Variants in MSH3 observed in about 807,000 individuals in gnomAD.
The protein encoded by MSH3 is mutS homolog 3.
In MSH3, 106 loss-of-function variants were observed where a neutral mutation model predicts 123.3. That is an observed-to-expected ratio of 0.86 (90% confidence interval 0.73 to 1.01). MSH3 has a LOEUF of 1.01. Ranked by LOEUF, MSH3 falls within the 50% of genes least tolerant of loss-of-function variation. The pLI, the probability that MSH3 is intolerant of heterozygous loss-of-function variation, is 0.00. For missense variants in MSH3, 1,459 were observed against 1,347.6 expected (o/e 1.08, Z -1.29); for synonymous variants, 515 against 481.4 (o/e 1.07, Z -0.91).
chr5:80,658,969 C>T (rs920232660), intron 2 of MSH3, among the ~76,000 whole-genome samples: 3 of 152,102 alleles, frequency 2.0e-5, no homozygotes, highest in African/African-American at 7.2e-5. Context: ...CACGGTGGCT[C>T]ACGCCTGTAA....
At chr5:80,669,831 T>C (rs1749664808) in intron 3 of MSH3, among the ~76,000 whole-genome samples, 1 of 152,226 alleles carries the variant, frequency 6.6e-6, no homozygotes, top group Non-Finnish European at 1.5e-5. Flanking sequence ...TAAAAACAAG[T>C]ATGTAAAACA....
chr5:80,701,299 A>G (rs992019259), intron 8 of MSH3, among the ~76,000 whole-genome samples: 1 of 152,188 alleles, frequency 6.6e-6, no homozygotes, highest in Admixed American at 6.5e-5. Flanking sequence ...TCATGGCTTC[A>G]ATAACCCTGG....
intron 19 of MSH3, among the ~76,000 whole-genome samples, chr5:80,796,935 C>A (rs192794328): frequency 1.8e-4 from 27 of 152,284 alleles, no homozygotes; most frequent in African/African-American, 6.3e-4. Flanking sequence ...CTTTTGAATT[C>A]ATACTTCACA....
intron 22 of MSH3, among the ~76,000 whole-genome samples, chr5:80,866,991 A>G (rs994854725): frequency 6.6e-5 from 10 of 152,072 alleles, no homozygotes; most frequent in African/African-American, 2.4e-4. Flanking sequence ...CCATTTGTCC[A>G]CTGGGGCCCT....
At chr5:80,692,325 T>A (rs1750301081) in intron 8 of MSH3, among the ~76,000 whole-genome samples, 1 of 74,552 alleles carries the variant, frequency 1.3e-5, no homozygotes, top group South Asian at 4.3e-4. Context: ...TGTATATGTT[T>A]AGATAGATAG....
chr5:80,873,281 C>T lies in MSH3; in HGVS notation c.3296C>T (p.Thr1099Met), dbSNP rs545543643. The change falls in exon 23 of 24, where the codon ACG becomes ATG. Residue 1099 changes from threonine to methionine, a missense_variant. By Grantham distance (81) the Thr-to-Met change is moderately conservative (BLOSUM62 -1). Transcript: ENST00000265081. ...KSKELEGLIN[T>M]KRKRLKYFAK... ...AAAGAGCTGGAAGGATTAATAAATACGAAAAGGTCAGAGTGATTATGCTGC... is the reference window on the plus strand; with the variant it reads ...AAAGAGCTGGAAGGATTAATAAATATGAAAAGGTCAGAGTGATTATGCTGC... 1.5e-5 allele frequency: 24 copies of T among 1,613,736 alleles called. No homozygotes were observed. The highest frequency in any genetic ancestry group is 8.8e-5 in the South Asian group (8 of 91,068).
intron 8 of MSH3, among the ~76,000 whole-genome samples, chr5:80,699,210 G>T (rs1439670777): frequency 6.6e-6 from 1 of 152,164 alleles, no homozygotes; most frequent in African/African-American, 2.4e-5. Flanking sequence ...AGAATAATGG[G>T]TATCTCCTAT....
At chr5:80,764,445 A>T (rs947522540) in intron 13 of MSH3, among the ~76,000 whole-genome samples, 1 of 151,780 alleles carries the variant, frequency 6.6e-6, no homozygotes, top group African/African-American at 2.4e-5. Context: ...GTGCGACCAC[A>T]GCTCACTACA....
chr5:80,831,846 C>A (rs245386), intron 20 of MSH3, among the ~76,000 whole-genome samples: 106,678 of 152,038 alleles, frequency 0.7, 37,464 homozygotes, highest in South Asian at 0.79. Flanking sequence ...TGGTGGCTGA[C>A]TCCTGTAATC....
intron 20 of MSH3, among the ~76,000 whole-genome samples, chr5:80,823,262 A>G (rs997018684): frequency 6.6e-6 from 1 of 152,218 alleles, no homozygotes; most frequent in Admixed American, 6.5e-5. Context: ...ATGTGTGAAA[A>G]AAGTAAAACC....
chr5:80,654,914 C>CCCGCAGCG lies in MSH3; in HGVS notation c.189_190insGCAGCGCC (p.Pro64AlafsTer19). 1 of 1,477,692 alleles carries CCCGCAGCG rather than the reference C, an allele frequency of 6.8e-7. No homozygotes were observed. Among genetic ancestry groups the CCCGCAGCG allele is most frequent in the Non-Finnish European group, 9.0e-7 (1 of 1,107,172 alleles). 91.5% of individuals were successfully genotyped at this position (1,477,692 alleles called of 1,614,324 possible). ...TGCAGCGGCCGCAGCGGCCGCAGCG[C>CCCGCAGCG]CCCCAGCGCCCCCAGCTCCCGCCTT... On this transcript the variant is annotated frameshift_variant, in exon 1 of 24. Coordinates refer to ENST00000265081, the MANE Select transcript of MSH3 (RefSeq NM_002439.5). LOFTEE classifies it high-confidence loss of function.
intron 12 of MSH3, among the ~76,000 whole-genome samples, chr5:80,759,509 G>A (rs1256933573): frequency 6.6e-6 from 1 of 152,198 alleles, no homozygotes; most frequent in Non-Finnish European, 1.5e-5. Context: ...CTGGAACTTA[G>A]AGTAGGAGGA....
chr5:80,791,297 C>T (rs1303939672), intron 18 of MSH3, among the ~76,000 whole-genome samples: 1 of 152,174 alleles, frequency 6.6e-6, no homozygotes, highest in East Asian at 1.9e-4. Context: ...AGATGACCAT[C>T]TCTTTAAGAA....
At chr5:80,667,462 G>C (rs1204639813) in intron 3 of MSH3, among the ~76,000 whole-genome samples, 3 of 152,214 alleles carry the variant, frequency 2.0e-5, no homozygotes, top group Non-Finnish European at 2.9e-5. Flanking sequence ...CTTTGCCCGA[G>C]TTTTTACTTG....
intron 5 of MSH3, 78 bp downstream of exon 5, chr5:80,672,438 G>A (rs1749744874): frequency 9.3e-7 from 1 of 1,074,026 alleles, no homozygotes; most frequent in African/African-American, 1.6e-5. Context: ...TTGTAAGGTG[G>A]TAGGTAGGCT....
At chr5:80,853,333 G>T (rs1013116809) in intron 20 of MSH3, among the ~76,000 whole-genome samples, 1 of 152,118 alleles carries the variant, frequency 6.6e-6, no homozygotes, top group African/African-American at 2.4e-5. Flanking sequence ...ATGTTAGCCA[G>T]GTGTGGTGGC....
chr5:80,710,057 C>T lies in MSH3; in HGVS notation c.1341-15396C>T, dbSNP rs538010748. 3.9e-5 allele frequency among the ~76,000 whole-genome samples: 6 copies of T among 152,326 alleles called. No individual in the cohort carries two copies. The South Asian group carries it at 6.2e-4, about 16-fold the overall frequency. On this transcript the variant is annotated intron_variant, in intron 8 of 23. Transcript: ENST00000265081. ...TTCTTTTCCTTTGAGCACATGACTA[C>T]TGCTATCTATCTCCTATTCTTAACC...
chr5:80,685,617 T>C (rs1348157105), intron 8 of MSH3, among the ~76,000 whole-genome samples: 2 of 152,070 alleles, frequency 1.3e-5, no homozygotes, highest in African/African-American at 4.8e-5. Flanking sequence ...AACTTTTGGT[T>C]TGTTGATCTT....
chr5:80,661,943 AG>A (rs34814946), intron 2 of MSH3, among the ~76,000 whole-genome samples: 41,116 of 152,094 alleles, frequency 0.27, 5,765 homozygotes, highest in Middle Eastern at 0.35. Flanking sequence ...AGAGTTAGAA[AG>A]GGGGTGCATA....
Sources: allele counts gnomAD v4.1 joint callset (sites outside exome capture counted in the v4.1 genomes callset), GRCh38; gene constraint gnomAD v4.1.1; transcripts MANE v1.5; gene names NCBI Gene and HGNC (gene_info 2026-07-23, HGNC 2026-07-21).